Variants in PTPN2 observed in about 807,000 individuals in gnomAD.
PTPN2 encodes protein tyrosine phosphatase non-receptor type 2, also known as tyrosine-protein phosphatase non-receptor type 2.
Under a neutral mutation model 57.3 loss-of-function variants are expected in PTPN2, and 19 were observed. The observed-to-expected ratio is 0.33, with a 90% CI of 0.23 to 0.49. The LOEUF is 0.49. Ranked by LOEUF, PTPN2 falls within the 20% of genes least tolerant of loss-of-function variation. The pLI, the probability that PTPN2 is intolerant of heterozygous loss-of-function variation, is 0.99. For missense variants in PTPN2, 358 were observed against 501.1 expected, an observed-to-expected ratio of 0.71 and a Z score of 2.73; for synonymous variants, 153 against 164.9, an observed-to-expected ratio of 0.93 and a Z score of 0.55.
At chr18:12,862,480 T>C (rs2043847512) in intron 1 of PTPN2, 1 of 152,248 alleles carries the variant, frequency 6.6e-6, no homozygotes, top group Admixed American at 6.5e-5. Context: ...TCTTTCTTAC[T>C]AAAGGTAACT....
At position 12,870,441 on chromosome 18, in the gene PTPN2, GTATATATA is replaced by G. The variant is rs577107678; in HGVS notation, c.70-11195_70-11188del. On this transcript the variant is annotated intron_variant, in intron 1 of 8. Transcript: ENST00000309660. ...TATATATATACGTATATATATATGT[GTATATATA>G]TATATATATATATAGAGAGAGAGAG... Among the ~76,000 whole-genome samples, 36 of 24,564 alleles carry G rather than the reference GTATATATA, an allele frequency of 1.5e-3. 2 individuals carry two copies. The highest frequency in any genetic ancestry group is 4.5e-3 in the South Asian group (2 of 448). The allele number at this position is 24,564 out of a possible 152,430, so 16.1% of individuals were successfully genotyped here. A position where few individuals can be genotyped will look rare whatever the true frequency, so the allele number is the denominator to read the frequency against.
At chr18:12,852,225 C>CACACAA (rs1454288131) in intron 2 of PTPN2, among the ~76,000 whole-genome samples, 1 of 151,232 alleles carries the variant, frequency 6.6e-6, no homozygotes, top group Non-Finnish European at 1.5e-5. Flanking sequence ...CACACACACA[C>CACACAA]ACACAGATTG....
downstream of PTPN2, among the ~76,000 whole-genome samples, chr18:12,791,718 C>T (rs1338381430): frequency 6.6e-6 from 1 of 152,114 alleles, no homozygotes; most frequent in Non-Finnish European, 1.5e-5. Flanking sequence ...TAGAAGTGTA[C>T]CAACAAGTGT....
At chr18:12,867,014 CAAA>C (rs1265621796) in intron 1 of PTPN2, among the ~76,000 whole-genome samples, 28 of 134,408 alleles carry the variant, frequency 2.1e-4, no homozygotes, top group African/African-American at 8.1e-4. Context: ...CTCCAAAAAA[CAAA>C]AAACAAACAA....
intron 1 of PTPN2, among the ~76,000 whole-genome samples, chr18:12,876,927 A>G (rs557197792): frequency 3.9e-4 from 60 of 152,332 alleles, no homozygotes; most frequent in African/African-American, 1.4e-3. Context: ...CCTCTGTGCC[A>G]CTGATCTCAA....
chr18:12,786,793 A>G (rs1474930324), intron 9 of PTPN2: 1 of 152,252 alleles, frequency 6.6e-6, no homozygotes, highest in East Asian at 1.9e-4. Context: ...GGCACTTGGC[A>G]TAATTGTACC....
At chr18:12,876,398 T>G (rs63746461) in intron 1 of PTPN2, among the ~76,000 whole-genome samples, 98,130 of 150,624 alleles carry the variant, frequency 0.65, 32,405 homozygotes, top group East Asian at 0.86. Context: ...CCAGGAGTTT[T>G]GAGTCTGCAG....
intron 7 of PTPN2, among the ~76,000 whole-genome samples, chr18:12,812,111 C>T (rs1474782479): frequency 6.6e-6 from 1 of 152,286 alleles, no homozygotes; most frequent in East Asian, 1.9e-4. Context: ...GGTTAACTGT[C>T]ATCATCAATA....
At chr18:12,821,856 G>C (rs1401681572) in intron 5 of PTPN2, among the ~76,000 whole-genome samples, 2 of 152,200 alleles carry the variant, frequency 1.3e-5, no homozygotes, top group African/African-American at 4.8e-5. Flanking sequence ...AGAATTCTTA[G>C]AGGATGGTGG....
intron 3 of PTPN2, among the ~76,000 whole-genome samples, chr18:12,833,786 T>C (rs1303912551): frequency 6.6e-6 from 1 of 151,842 alleles, no homozygotes; most frequent in Non-Finnish European, 1.5e-5. Context: ...CAATAGAAGA[T>C]CAGAAAGAAC....
chr18:12,876,290 C>A (rs116741581), intron 1 of PTPN2, among the ~76,000 whole-genome samples: 1 of 44,702 alleles, frequency 2.2e-5, no homozygotes, highest in Non-Finnish European at 4.1e-5. Context: ...ACAAGAACAA[C>A]AACAAAAAGA....
rs2041916242 is a variant in PTPN2, at chr18:12,812,223, T to C, written c.858+1980A>G. 2.6e-5 allele frequency among the ~76,000 whole-genome samples: 4 copies of C among 152,340 alleles called. No individual in the cohort carries two copies. In the South Asian group the frequency reaches 6.2e-4, roughly 24 times the overall value. ...CAATTGCAAATAGCCTATATGTCTA[T>C]AGGAATGTCAAAGTCATTGGAAGTT... On this transcript the variant is annotated intron_variant, in intron 7 of 8. Transcript: ENST00000309660.
chr18:12,859,500 G>A (rs192142151), intron 1 of PTPN2, among the ~76,000 whole-genome samples: 1 of 152,228 alleles, frequency 6.6e-6, no homozygotes, highest in Non-Finnish European at 1.5e-5. Flanking sequence ...CCCATAGCTA[G>A]TAAGTGGCAG....
intron 1 of PTPN2, among the ~76,000 whole-genome samples, chr18:12,873,387 G>T (rs1425610644): frequency 6.6e-6 from 1 of 152,156 alleles, no homozygotes. Flanking sequence ...CAACCTCCCT[G>T]CCTGATTCTC....
At chr18:12,799,776 C>A (rs2041341039) in intron 8 of PTPN2, among the ~76,000 whole-genome samples, 1 of 151,974 alleles carries the variant, frequency 6.6e-6, no homozygotes, top group South Asian at 2.1e-4. Context: ...CAAGTTGTTT[C>A]TCACTCTCAG....
At position 12,868,656 on chromosome 18, in the gene PTPN2, G is replaced by A. The variant is rs113176726; in HGVS notation, c.70-9402C>T. On this transcript the variant is annotated intron_variant, in intron 1 of 8. Coordinates refer to ENST00000309660, the MANE Select transcript of PTPN2 (RefSeq NM_002828.4). ...TTTTAAAAACTTCAAACTTCAGGCC[G>A]GGCGTGGTGGCTCACGTTTGTAATT... Among the ~76,000 whole-genome samples, 21 of 150,948 alleles carry A rather than the reference G, an allele frequency of 1.4e-4. 1 individual carries two copies. The highest frequency in any genetic ancestry group is 4.8e-4 in the African/African-American group (20 of 41,288).
At chr18:12,853,446 C>T (rs957624332) in intron 2 of PTPN2, among the ~76,000 whole-genome samples, 1 of 152,186 alleles carries the variant, frequency 6.6e-6, no homozygotes, top group Non-Finnish European at 1.5e-5. Context: ...CAGCCAGAAA[C>T]ACATTTTTAA....
chr18:12,881,235 G>C (rs1264094422), intron 1 of PTPN2, among the ~76,000 whole-genome samples: 1 of 152,164 alleles, frequency 6.6e-6, no homozygotes, highest in African/African-American at 2.4e-5. Context: ...AGGAGTTCGA[G>C]ACCAGCCTGG....
At chr18:12,802,184 A>C in intron 7 of PTPN2, 33 bp from the exon 8 acceptor site, 2 of 1,466,290 alleles carry the variant, frequency 1.4e-6, no homozygotes, top group Non-Finnish European at 9.2e-7. Flanking sequence ...AAACAAATGC[A>C]AACATTAAAA....
Sources: allele counts gnomAD v4.1 joint callset (sites outside exome capture counted in the v4.1 genomes callset), GRCh38; gene constraint gnomAD v4.1.1; transcripts MANE v1.5; gene names NCBI Gene and HGNC (gene_info 2026-07-23, HGNC 2026-07-21).